The following TMEM132C variants were observed in gnomAD, a reference collection of about 807,000 sequenced individuals.
The protein encoded by TMEM132C is protein phosphatase 1, regulatory subunit 152.
In TMEM132C, 29 loss-of-function variants were observed where a neutral mutation model predicts 61.4. That is an observed-to-expected ratio of 0.47 (90% CI 0.35 to 0.64). TMEM132C has a LOEUF of 0.64. Ranked by LOEUF, TMEM132C falls within the 30% of genes least tolerant of loss-of-function variation. TMEM132C has a pLI of 0.00. For missense variants in TMEM132C, 1,408 were observed against 1,476.9 expected, an observed-to-expected ratio of 0.95 and a Z score of 0.76; for synonymous variants, 656 against 633.1, an observed-to-expected ratio of 1.04 and a Z score of -0.54.
At chr12:128,527,087 G>A (rs1189418291) in intron 2 of TMEM132C, among the ~76,000 whole-genome samples, 2 of 152,206 alleles carry the variant, frequency 1.3e-5, no homozygotes, top group African/African-American at 4.8e-5. Context: ...TCCTCATGAA[G>A]TCTCTCTTGG....
At chr12:128,393,986 G>A (rs532332121) in intron 1 of TMEM132C, among the ~76,000 whole-genome samples, 87 of 152,236 alleles carry the variant, frequency 5.7e-4, no homozygotes, top group Admixed American at 9.2e-4. Context: ...GTATTAGTCC[G>A]TTTTCACACT....
At chr12:128,269,816 G>A (rs559250272) in intron 1 of TMEM132C, among the ~76,000 whole-genome samples, 3 of 114,686 alleles carry the variant, frequency 2.6e-5, no homozygotes, top group East Asian at 2.2e-4. Context: ...CATTTCTGCT[G>A]TCTTTAAAAA....
At chr12:128,566,189 C>CAAAAAAAAAAAAAAAAAAAAAAAAAA (rs59258589) in intron 3 of TMEM132C, among the ~76,000 whole-genome samples, 27 of 67,824 alleles carry the variant, frequency 4.0e-4, no homozygotes, top group Non-Finnish European at 7.5e-4. Context: ...CAAGCCTAAC[C>CAAAAAAAAAAAAAAAAAAAAAAAAAA]AAAAAAAAAA....
chr12:128,634,604 T>G (rs140510362), intron 4 of TMEM132C, among the ~76,000 whole-genome samples: 12 of 152,376 alleles, frequency 7.9e-5, no homozygotes, highest in African/African-American at 2.6e-4. Context: ...GCCTGCTATG[T>G]GAGTGACACC....
intron 3 of TMEM132C, among the ~76,000 whole-genome samples, chr12:128,573,027 T>G (rs969666864): frequency 1.1e-4 from 17 of 152,192 alleles, no homozygotes; most frequent in Non-Finnish European, 2.5e-4. Flanking sequence ...GTTCAACCAT[T>G]GTGGAAGACA....
At chr12:128,282,089 A>G (rs1277094867) in intron 1 of TMEM132C, among the ~76,000 whole-genome samples, 2 of 152,226 alleles carry the variant, frequency 1.3e-5, no homozygotes, top group Non-Finnish European at 2.9e-5. Flanking sequence ...GAATATTTCA[A>G]AAATAGGTGC....
chr12:128,325,103 C>T (rs1001858641), intron 1 of TMEM132C, among the ~76,000 whole-genome samples: 2 of 152,158 alleles, frequency 1.3e-5, no homozygotes, highest in African/African-American at 2.4e-5. Flanking sequence ...AGAAGGGCAG[C>T]GGCTGCCCAC....
chr12:128,669,459 G>A lies in TMEM132C; in HGVS notation c.1348G>A (p.Val450Ile). The change falls in exon 5 of 9, where the codon GTT becomes ATT. Residue 450 changes from valine to isoleucine, a missense_variant. Transcript: ENST00000435159. ...LNTAVLTGKT[V>I]AMPIKVVSVE... ...CACCGCCGTACTCACAGGAAAGACA[G>A]TTGCCATGCCTATCAAGGTGGTCTC... The A allele has an allele frequency of 6.4e-7, 1 of 1,551,656 alleles. No homozygotes were observed. Among genetic ancestry groups the A allele is most frequent in the Non-Finnish European group, 8.7e-7 (1 of 1,146,970 alleles).
At chr12:128,401,086 A>G (rs1229858611) in intron 1 of TMEM132C, among the ~76,000 whole-genome samples, 1 of 152,216 alleles carries the variant, frequency 6.6e-6, no homozygotes, top group African/African-American at 2.4e-5. Context: ...CAAACTACAG[A>G]CCATGGGTCA....
At chr12:128,356,998 TACAC>T (rs975336904) in intron 1 of TMEM132C, among the ~76,000 whole-genome samples, 1 of 152,142 alleles carries the variant, frequency 6.6e-6, no homozygotes, top group African/African-American at 2.4e-5. Flanking sequence ...CTCACACACA[TACAC>T]ACACAGAGAG....
At chr12:128,488,431 C>G (rs1028152068) in intron 2 of TMEM132C, among the ~76,000 whole-genome samples, 4 of 152,096 alleles carry the variant, frequency 2.6e-5, no homozygotes, top group Non-Finnish European at 4.4e-5. Flanking sequence ...GAGGCCAAGG[C>G]GGGTGGATCA....
At chr12:128,528,504 G>A (rs1219427649) in intron 2 of TMEM132C, among the ~76,000 whole-genome samples, 4 of 152,138 alleles carry the variant, frequency 2.6e-5, no homozygotes, top group Non-Finnish European at 4.4e-5. Flanking sequence ...ACACAGCGGT[G>A]TCTCCTGCTC....
rs552609182 is a variant in TMEM132C, at chr12:128,397,486, G to A, written c.86-17246G>A. 7.9e-5 allele frequency among the ~76,000 whole-genome samples: 12 copies of A among 152,262 alleles called. No homozygotes were observed. The South Asian group carries it at 1.9e-3, about 24-fold the overall frequency. ...AGGCAGCAGTGAAAGGTCATACGAG[G>A]GGGTCTATATTCCATAGAGAAACTT... On this transcript the variant is annotated intron_variant, in intron 1 of 8. Coordinates refer to ENST00000435159, the MANE Select transcript of TMEM132C (RefSeq NM_001136103.3).
intron 1 of TMEM132C, among the ~76,000 whole-genome samples, chr12:128,407,635 G>A (rs1875391880): frequency 1.3e-5 from 2 of 152,132 alleles, no homozygotes; most frequent in African/African-American, 4.8e-5. Flanking sequence ...CTCCAGGTTG[G>A]CCCAGGCTTG....
At chr12:128,341,130 G>A (rs1353507762) in intron 1 of TMEM132C, among the ~76,000 whole-genome samples, 5 of 151,868 alleles carry the variant, frequency 3.3e-5, no homozygotes, top group Admixed American at 3.3e-4. Flanking sequence ...TGGTAGAGAC[G>A]GGGTTTCACC....
chr12:128,327,468 C>T (rs1276337925), intron 1 of TMEM132C, among the ~76,000 whole-genome samples: 7 of 149,992 alleles, frequency 4.7e-5, no homozygotes, highest in Non-Finnish European at 7.3e-5. Context: ...CTGCAACCTC[C>T]GCCTCCTGGC....
At chr12:128,580,995 G>A (rs1875313357) in intron 3 of TMEM132C, among the ~76,000 whole-genome samples, 1 of 152,060 alleles carries the variant, frequency 6.6e-6, no homozygotes, top group South Asian at 2.1e-4. Context: ...GTCCTGCGGG[G>A]GGAAAAATTG....
At chr12:128,468,661 G>C (rs1870824981) in intron 2 of TMEM132C, among the ~76,000 whole-genome samples, 1 of 152,160 alleles carries the variant, frequency 6.6e-6, no homozygotes, top group African/African-American at 2.4e-5. Flanking sequence ...AAAAATCTCT[G>C]ACTGCCAAGG....
In TMEM132C at chr12:128,381,937, G is replaced by A. The variant is rs964870472; in HGVS notation, c.86-32795G>A. On this transcript the variant is annotated intron_variant, in intron 1 of 8. Coordinates refer to ENST00000435159, the MANE Select transcript of TMEM132C (RefSeq NM_001136103.3). ...AAGACAACCCCGCAAAGGGGAAACC[G>A]TCTCGGATACACTCTGCCCTCTCAC... Among the ~76,000 whole-genome samples, 9 of 152,186 alleles carry A rather than the reference G, an allele frequency of 5.9e-5. No individual in the cohort carries two copies. In the South Asian group the frequency reaches 6.2e-4, roughly 11 times the overall value.
Sources: gnomAD v4.1 joint callset for allele counts (sites outside exome capture counted in the v4.1 genomes callset) on GRCh38, gnomAD v4.1.1 for gene constraint, MANE v1.5 for transcripts, NCBI Gene and HGNC (gene_info 2026-07-23, HGNC 2026-07-21) for gene names.